AFF3: variants seen among roughly 807,000 people sequenced by gnomAD.
The protein encoded by AFF3 is AF4/FMR2 family member 3.
Under a neutral mutation model 129.7 loss-of-function variants are expected in AFF3, and 32 were observed. The ratio of observed to expected loss-of-function variants is 0.25; its 90% CI spans 0.19 to 0.33. The LOEUF is 0.33. Ranked by LOEUF, AFF3 falls within the 10% of genes least tolerant of loss-of-function variation. The probability of loss-of-function intolerance (pLI) is 1.00; values close to 1 mark genes in which losing one functional copy is unlikely to be tolerated. For synonymous variants in AFF3, 644 were observed against 635.4 expected (o/e 1.01, Z -0.20); for missense variants, 1,373 against 1,592.0 (o/e 0.86, Z 2.34).
intron 8 of AFF3, among the ~76,000 whole-genome samples, chr2:99,802,799 A>G (rs1228056316): frequency 1.3e-5 from 2 of 150,484 alleles, no homozygotes; most frequent in African/African-American, 2.5e-5. Flanking sequence ...ATTTGTGTAC[A>G]TGAATTTTGT....
At chr2:99,945,770 G>A (rs982628381) in intron 7 of AFF3, among the ~76,000 whole-genome samples, 3 of 152,108 alleles carry the variant, frequency 2.0e-5, no homozygotes, top group Admixed American at 6.5e-5. Flanking sequence ...AATTGATATA[G>A]AAGCCATACT....
chr2:100,023,426 A>G (rs1208220077), intron 4 of AFF3, among the ~76,000 whole-genome samples: 1 of 152,216 alleles, frequency 6.6e-6, no homozygotes, highest in Non-Finnish European at 1.5e-5. Context: ...ATGCATTAAC[A>G]GAAGATACTA....
At chr2:99,645,711 T>C (rs1479047622) in intron 13 of AFF3, among the ~76,000 whole-genome samples, 3 of 152,192 alleles carry the variant, frequency 2.0e-5, no homozygotes, top group African/African-American at 7.2e-5. Context: ...TTTTTGGGGA[T>C]GATCACAGTT....
intron 8 of AFF3, among the ~76,000 whole-genome samples, chr2:99,809,843 G>A (rs182237284): frequency 1.3e-5 from 2 of 152,268 alleles, no homozygotes; most frequent in East Asian, 1.9e-4. Flanking sequence ...CTTTGGTACA[G>A]GGCCAGGTGT....
rs575468195 is a variant in AFF3, at chr2:99,982,326, C to A, written c.873+24306G>T. On this transcript the variant is annotated intron_variant, in intron 7 of 24. Coordinates refer to ENST00000672756, the MANE Select transcript of AFF3 (RefSeq NM_001386135.1). ...CTGATGGTTTTAAAAATGGGAGATTCCCTGCACAAGCTCTCTCTTTGCCTG... is the reference window on the plus strand; with the variant it reads ...CTGATGGTTTTAAAAATGGGAGATTACCTGCACAAGCTCTCTCTTTGCCTG... Among the ~76,000 whole-genome samples the A allele has an allele frequency of 9.4e-4, 143 of 152,266 alleles. 2 individuals are homozygous for A. The highest frequency in any genetic ancestry group is 1.9e-4 in the Non-Finnish European group (13 of 68,034).
chr2:99,855,072 A>C (rs551209905), intron 7 of AFF3, among the ~76,000 whole-genome samples: 1 of 152,308 alleles, frequency 6.6e-6, no homozygotes, highest in East Asian at 1.9e-4. Context: ...TGAAAATCTC[A>C]ATGATTTTGG....
At chr2:99,641,948 C>T (rs562428854) in intron 13 of AFF3, among the ~76,000 whole-genome samples, 78 of 152,252 alleles carry the variant, frequency 5.1e-4, no homozygotes, top group South Asian at 3.7e-3. Flanking sequence ...AGATTCCCTG[C>T]GAGTGGAATC....
chr2:100,004,206 T>G (rs1470141170), intron 7 of AFF3, among the ~76,000 whole-genome samples: 2 of 152,210 alleles, frequency 1.3e-5, no homozygotes, highest in Non-Finnish European at 2.9e-5. Flanking sequence ...CCTTGCAGGT[T>G]ATTTTCTTTG....
chr2:99,876,166 T>C lies in AFF3; in HGVS notation c.874-38642A>G, dbSNP rs192786740. ...CATGCTCATTCCCTAGGACATGCTA[T>C]GAATCCCGGTGGCTTTGAAGACCAT... is the stretch of plus-strand genomic sequence containing the variant. On this transcript the variant is annotated intron_variant, in intron 7 of 24. Coordinates refer to ENST00000672756, the MANE Select transcript of AFF3 (RefSeq NM_001386135.1). Among the ~76,000 whole-genome samples, 11 of 152,320 alleles carry C rather than the reference T, an allele frequency of 7.2e-5. No individual in the cohort carries two copies. In the East Asian group the frequency reaches 1.7e-3, roughly 24 times the overall value.
intron 11 of AFF3, among the ~76,000 whole-genome samples, chr2:99,719,902 T>C (rs1343308419): frequency 6.6e-6 from 1 of 152,174 alleles, no homozygotes; most frequent in African/African-American, 2.4e-5. Context: ...CCGGGCATGG[T>C]GGCGGGCGCC....
intron 11 of AFF3, among the ~76,000 whole-genome samples, chr2:99,722,847 C>T (rs976600861): frequency 6.6e-6 from 1 of 152,154 alleles, no homozygotes; most frequent in Non-Finnish European, 1.5e-5. Flanking sequence ...TATCCCCTGA[C>T]ACCTCAAGCC....
At chr2:99,892,682 G>A (rs1407776426) in intron 7 of AFF3, among the ~76,000 whole-genome samples, 2 of 152,114 alleles carry the variant, frequency 1.3e-5, no homozygotes, top group Non-Finnish European at 2.9e-5. Flanking sequence ...TGCCCTGGAC[G>A]GCAGTTCCAG....
At chr2:99,648,938 C>CT (rs56856050) in intron 13 of AFF3, among the ~76,000 whole-genome samples, 2 of 146,624 alleles carry the variant, frequency 1.4e-5, no homozygotes, top group Admixed American at 6.9e-5. Flanking sequence ...CTCTCTCTCT[C>CT]CAATCTTAGT....
chr2:99,893,352 T>TC, intron 7 of AFF3, among the ~76,000 whole-genome samples: 1 of 152,328 alleles, frequency 6.6e-6, no homozygotes, highest in East Asian at 1.9e-4. Flanking sequence ...CCTGACAGTC[T>TC]CTATTTAGAC....
chr2:100,066,398 G>A (rs994326050), intron 4 of AFF3, among the ~76,000 whole-genome samples: 3 of 152,150 alleles, frequency 2.0e-5, no homozygotes, highest in Admixed American at 6.5e-5. Context: ...TGAAGACACA[G>A]GGAACTGAGC....
chr2:99,648,917 A>ACTCTCTCTCTCTCTCTCTCT (rs769906171), intron 13 of AFF3, among the ~76,000 whole-genome samples: 47 of 46,914 alleles, frequency 1.0e-3, no homozygotes, highest in South Asian at 2.5e-3. Context: ...ACACACACAC[A>ACTCTCTCTCTCTCTCTCTCT]CTCTCTCTCT....
chr2:99,633,032 C>T (rs753143625), intron 13 of AFF3, among the ~76,000 whole-genome samples: 1 of 151,850 alleles, frequency 6.6e-6, no homozygotes, highest in Non-Finnish European at 1.5e-5. Flanking sequence ...TTTTTTAGTG[C>T]GACTGTACTA....
At chr2:99,611,713 C>A (rs1006196925) in intron 13 of AFF3, among the ~76,000 whole-genome samples, 1 of 151,972 alleles carries the variant, frequency 6.6e-6, no homozygotes, top group Non-Finnish European at 1.5e-5. Context: ...ATGGTAAAAC[C>A]CCATCTCTAC....
chr2:99,638,695 A>G (rs1683905109), intron 13 of AFF3, among the ~76,000 whole-genome samples: 1 of 152,214 alleles, frequency 6.6e-6, no homozygotes, highest in South Asian at 2.1e-4. Context: ...GCCCAGGCCT[A>G]TGAGAAAGGG....
Sources: gnomAD v4.1 joint callset for allele counts (sites outside exome capture counted in the v4.1 genomes callset) on GRCh38, gnomAD v4.1.1 for gene constraint, MANE v1.5 for transcripts, NCBI Gene and HGNC (gene_info 2026-07-23, HGNC 2026-07-21) for gene names.